The following PATJ variants were observed in gnomAD, a reference collection of about 807,000 sequenced individuals.
PATJ encodes inaD-like protein.
PATJ carries 190 observed loss-of-function variants against 224.9 expected under a neutral mutation model. The observed-to-expected ratio is 0.84, with a 90% confidence interval of 0.75 to 0.95. PATJ has a LOEUF of 0.95. Among genes scored for constraint, PATJ ranks in the 40% least tolerant of loss-of-function variants. The probability of loss-of-function intolerance (pLI) is 0.00; values close to 1 mark genes in which losing one functional copy is unlikely to be tolerated. For synonymous variants in PATJ, 769 were observed against 820.3 expected (o/e 0.94, Z 1.07); for missense variants, 2,121 against 2,270.3 (o/e 0.93, Z 1.34).
At chr1:62,148,059 TAC>T (rs1157523431) in intron 41 of PATJ, among the ~76,000 whole-genome samples, 3 of 136,052 alleles carry the variant, frequency 2.2e-5, no homozygotes, top group African/African-American at 8.2e-5. Context: ...AGGTCAAGGC[TAC>T]AGAGAGCCAA....
At chr1:62,150,965 C>T (rs1668571639) in intron 42 of PATJ, among the ~76,000 whole-genome samples, 2 of 151,634 alleles carry the variant, frequency 1.3e-5, no homozygotes, top group Admixed American at 6.6e-5. Flanking sequence ...CATGGAGAAA[C>T]CCCATCTCTA....
rs764646632 is a variant in PATJ, at chr1:61,990,167, GA to G, written c.3676del (p.Ile1226SerfsTer37). 6.3e-7 allele frequency: 1 copy of G among 1,588,044 alleles called. No individual in the cohort carries two copies. The highest frequency in any genetic ancestry group is 8.5e-7 in the Non-Finnish European group (1 of 1,171,278). On this transcript the variant is annotated frameshift_variant and splice_region_variant, in exon 28 of 44. Transcript: ENST00000642238. LOFTEE classifies it high-confidence loss of function. Reference protein sequence around the residue: ...ENEEEDAFTDQKIRQRYADLP... With the variant: ...ENEEEDAFTDXKIRQRYADLP... ...TAATTTTAAAAAAATTCTTTTAATA[GA>G]AAAAATCAGACAAAGATATGCAGAT...
chr1:62,060,037 G>A (rs1655167500), intron 31 of PATJ, among the ~76,000 whole-genome samples: 1 of 152,174 alleles, frequency 6.6e-6, no homozygotes, highest in Non-Finnish European at 1.5e-5. Context: ...AGATGTCTCT[G>A]TAAAACAAGA....
rs375409317 is a variant in PATJ at position 62,017,826 on chromosome 1, A to T, written c.3868-30A>T. The T allele has an allele frequency of 3.6e-5, 41 of 1,150,146 alleles. No individual in the cohort carries two copies. In the African/African-American group the frequency reaches 5.7e-4, roughly 16 times the overall value. The allele number at this position is 1,150,146 out of a possible 1,614,324, so 71.2% of individuals were successfully genotyped here. ...ACATATATACTTGTAGACATGTATA[A>T]TTTAGTACATTGTGGTTTTTCCCAA... On this transcript the variant is annotated intron_variant, in intron 28 of 43. Transcript: ENST00000642238.
chr1:62,081,857 G>A (rs975754906), intron 32 of PATJ, among the ~76,000 whole-genome samples: 4 of 152,158 alleles, frequency 2.6e-5, no homozygotes, highest in Admixed American at 1.3e-4. Context: ...GTGAGCCACC[G>A]CACCCGACCT....
intron 31 of PATJ, among the ~76,000 whole-genome samples, chr1:62,063,507 A>G (rs1222305213): frequency 6.6e-6 from 1 of 151,826 alleles, no homozygotes; most frequent in African/African-American, 2.4e-5. Flanking sequence ...TTGGTGCCAT[A>G]CAGATTTTAG....
At chr1:61,757,579 C>T (rs1248920910) in intron 1 of PATJ, among the ~76,000 whole-genome samples, 4 of 150,732 alleles carry the variant, frequency 2.7e-5, no homozygotes, top group African/African-American at 7.3e-5. Context: ...AGATACAGGG[C>T]TTTGCCATGT....
At position 61,994,254 on chromosome 1, in the gene PATJ, T is replaced by C. The variant is rs116166550; in HGVS notation, c.3867+3890T>C. The stretch of plus-strand genomic sequence containing the variant: ...GTAGATTCTCTGCTGGTGAACAAAA[T>C]ACATAATACCTGCCCTCACAGAGCT... On this transcript the variant is annotated intron_variant, in intron 28 of 43. Coordinates refer to ENST00000642238, the MANE Select transcript of PATJ (RefSeq NM_001350145.3). Among the ~76,000 whole-genome samples, 1,143 of 152,188 alleles carry C rather than the reference T, an allele frequency of 7.5e-3. 21 individuals are homozygous for C. The highest frequency in any genetic ancestry group is 0.026 in the African/African-American group (1,082 of 41,524).
intron 17 of PATJ, among the ~76,000 whole-genome samples, chr1:61,844,780 G>A (rs1327877073): frequency 1.3e-5 from 2 of 152,052 alleles, no homozygotes; most frequent in Non-Finnish European, 1.5e-5. Context: ...CTGTTCTTAT[G>A]ATAATGAGTG....
At chr1:61,950,220 G>A (rs1364232862) in intron 27 of PATJ, among the ~76,000 whole-genome samples, 1 of 152,078 alleles carries the variant, frequency 6.6e-6, no homozygotes, top group African/African-American at 2.4e-5. Flanking sequence ...AAATAAATAA[G>A]GGAATAAAAG....
chr1:61,761,252 C>T (rs1264350035), intron 1 of PATJ, among the ~76,000 whole-genome samples: 2 of 152,040 alleles, frequency 1.3e-5, no homozygotes, highest in East Asian at 3.9e-4. Context: ...ACTGGGATCA[C>T]AGTGAGCCAC....
At chr1:61,970,299 C>T (rs756456788) in intron 27 of PATJ, among the ~76,000 whole-genome samples, 8 of 151,752 alleles carry the variant, frequency 5.3e-5, no homozygotes, top group East Asian at 1.9e-4. Context: ...CCTCCCCCAC[C>T]GACACACGGG....
chr1:61,909,090 G>T (rs1436340885), intron 25 of PATJ, among the ~76,000 whole-genome samples: 1 of 151,968 alleles, frequency 6.6e-6, no homozygotes, highest in Non-Finnish European at 1.5e-5. Flanking sequence ...AGTGATTCCT[G>T]TGCCTCAGCC....
intron 43 of PATJ, among the ~76,000 whole-genome samples, chr1:62,154,659 A>AAG (rs1553284374): frequency 1.3e-5 from 2 of 151,442 alleles, no homozygotes; most frequent in Non-Finnish European, 2.9e-5. Context: ...CAAAAAAAAA[A>AAG]AAAAGAAAAG....
chr1:62,153,483 T>C lies in PATJ; in HGVS notation c.5502+2T>C. 1 of 1,230,934 alleles carries C rather than the reference T, an allele frequency of 8.1e-7. No individual in the cohort carries two copies. The highest frequency in any genetic ancestry group is 1.0e-6 in the Non-Finnish European group (1 of 986,916). The allele number at this position is 1,230,934 out of a possible 1,614,324, so 76.3% of individuals were successfully genotyped here. A position where few individuals can be genotyped will look rare whatever the true frequency, so the allele number is the denominator to read the frequency against. On this transcript the variant is annotated splice_donor_variant, in intron 43 of 43. Coordinates refer to ENST00000642238, the MANE Select transcript of PATJ (RefSeq NM_001350145.3). LOFTEE classifies it high-confidence loss of function. ...TATGTCAAGACTGTATTTGCAAAGG[T>C]ATATCTTCTTTTTTAATGTACTTTT...
intron 41 of PATJ, among the ~76,000 whole-genome samples, chr1:62,140,390 C>A (rs959495275): frequency 6.6e-6 from 1 of 152,152 alleles, no homozygotes; most frequent in Non-Finnish European, 1.5e-5. Context: ...TGGTGGCTCA[C>A]GCCAGTAATC....
chr1:61,993,003 A>G (rs1238113948), intron 28 of PATJ, among the ~76,000 whole-genome samples: 1 of 152,180 alleles, frequency 6.6e-6, no homozygotes, highest in African/African-American at 2.4e-5. Flanking sequence ...TGAGTATCCT[A>G]TGATTCAATT....
chr1:61,796,519 G>T (rs1651137702), intron 10 of PATJ, among the ~76,000 whole-genome samples: 1 of 152,144 alleles, frequency 6.6e-6, no homozygotes, highest in African/African-American at 2.4e-5. Flanking sequence ...TTGCATCAGA[G>T]ATTAAAGTCC....
At chr1:61,953,039 T>G (rs1017666856) in intron 27 of PATJ, among the ~76,000 whole-genome samples, 91 of 152,208 alleles carry the variant, frequency 6.0e-4, no homozygotes, top group African/African-American at 2.1e-3. Flanking sequence ...TCGTTAGGGG[T>G]GGGGGCTCAG....
Sources: gnomAD v4.1 joint callset for allele counts (sites outside exome capture counted in the v4.1 genomes callset) on GRCh38, gnomAD v4.1.1 for gene constraint, MANE v1.5 for transcripts, NCBI Gene and HGNC (gene_info 2026-07-23, HGNC 2026-07-21) for gene names.